The following FNIP2 variants were observed in gnomAD, a reference collection of about 807,000 sequenced individuals.
FNIP2 encodes folliculin interacting protein 2, also known as folliculin-interacting protein 2.
FNIP2 carries 32 observed loss-of-function variants against 108.7 expected under a neutral mutation model. The observed-to-expected ratio is 0.29, with a 90% confidence interval of 0.22 to 0.40. The LOEUF is 0.40. Among genes scored for constraint, FNIP2 ranks in the 10% least tolerant of loss-of-function variants. FNIP2 has a pLI of 1.00. For synonymous variants in FNIP2, 480 were observed against 496.7 expected (o/e 0.97, Z 0.45); for missense variants, 1,202 against 1,381.6 (o/e 0.87, Z 2.06).
chr4:158,794,214 G>A (rs1776509119), intron 1 of FNIP2, among the ~76,000 whole-genome samples: 1 of 152,110 alleles, frequency 6.6e-6, no homozygotes, highest in African/African-American at 2.4e-5. Context: ...GTGCAGTGGT[G>A]TGATCATGGC....
At chr4:158,795,714 T>G (rs924950417) in intron 1 of FNIP2, 1 of 152,264 alleles carries the variant, frequency 6.6e-6, no homozygotes, top group African/African-American at 2.4e-5. Flanking sequence ...TATTTACAGC[T>G]GATCCCCATC....
Position 158,869,047 on chromosome 4 carries a change from A to T in FNIP2, c.2411A>T (p.Asp804Val). 6.2e-7 allele frequency: 1 copy of T among 1,614,024 alleles called. No homozygotes were observed. The highest frequency in any genetic ancestry group is 8.5e-7 in the Non-Finnish European group (1 of 1,179,888). ...GFAEDRGSRN[D>V]MAADIAGQLS... ...GCAGAGGACAGAGGCAGCAGAAACG[A>T]CATGGCAGCAGATATTGCTGGGCAG... The change falls in exon 13 of 17, where the codon GAC (aspartate) becomes GTC (valine). Residue 804 changes from aspartate to valine, a missense_variant. Physicochemically the swap from Asp to Val is radical, Grantham distance 152. This residue lies in a region of FNIP2 where 878 missense variants were observed against 990.3 expected (regional missense o/e 0.89). Coordinates refer to ENST00000264433, the MANE Select transcript of FNIP2 (RefSeq NM_020840.3).
At chr4:158,900,159 G>A (rs944239168) in intron 16 of FNIP2, among the ~76,000 whole-genome samples, 5 of 152,336 alleles carry the variant, frequency 3.3e-5, no homozygotes, top group Middle Eastern at 3.4e-3. Context: ...GTGGTTTTGA[G>A]TGAGTTTCTT....
intron 1 of FNIP2, among the ~76,000 whole-genome samples, chr4:158,773,627 T>C (rs1449324868): frequency 2.6e-5 from 4 of 152,238 alleles, no homozygotes; most frequent in Non-Finnish European, 5.9e-5. Context: ...GTATTATTCC[T>C]GTTGAGGCTT....
chr4:158,902,437 G>T (rs1044449245), intron 16 of FNIP2, among the ~76,000 whole-genome samples: 1 of 152,220 alleles, frequency 6.6e-6, no homozygotes, highest in South Asian at 2.1e-4. Flanking sequence ...ACTGGGAGGT[G>T]TCTCCCAGTC....
intron 8 of FNIP2, among the ~76,000 whole-genome samples, chr4:158,858,350 T>G (rs141137756): frequency 1.3e-5 from 2 of 152,368 alleles, no homozygotes; most frequent in African/African-American, 4.8e-5. Context: ...CACTGGCTTT[T>G]CACAGTAGTT....
chr4:158,834,175 C>A (rs1778644770), intron 6 of FNIP2: 2 of 183,930 alleles, frequency 1.1e-5, no homozygotes, highest in Non-Finnish European at 1.1e-5. Context: ...TGGGCCTCTT[C>A]TGCTACTATG....
At chr4:158,852,401 T>C (rs1468148788) in intron 8 of FNIP2, among the ~76,000 whole-genome samples, 1 of 152,208 alleles carries the variant, frequency 6.6e-6, no homozygotes. Flanking sequence ...AAATTATAGC[T>C]TTGTCACCCA....
intron 5 of FNIP2, among the ~76,000 whole-genome samples, chr4:158,832,532 A>AT (rs1778542934): frequency 6.6e-6 from 1 of 152,210 alleles, no homozygotes; most frequent in Non-Finnish European, 1.5e-5. Context: ...CATATACTTC[A>AT]TTTTTTAAAT....
In FNIP2 at chr4:158,906,852, C is replaced by T. The variant is rs1325087846; in HGVS notation, c.*2308C>T. 6.6e-6 allele frequency: 1 copy of T among 152,112 alleles called. No individual in the cohort carries two copies. The highest frequency in any genetic ancestry group is 1.5e-5 in the Non-Finnish European group (1 of 68,026). 9.4% of individuals were successfully genotyped at this position (152,112 alleles called of 1,614,324 possible). A position where few individuals can be genotyped will look rare whatever the true frequency, so the allele number is the denominator to read the frequency against. ...ATTGTGTTGAGATCCACCGCTCACA[C>T]GCCGTACACCACCCAGTGGCTTCAT... On this transcript the variant is annotated 3_prime_UTR_variant, in exon 17 of 17. Coordinates refer to ENST00000264433, the MANE Select transcript of FNIP2 (RefSeq NM_020840.3).
At chr4:158,815,904 A>G (rs1052630831) in intron 1 of FNIP2, among the ~76,000 whole-genome samples, 1 of 152,126 alleles carries the variant, frequency 6.6e-6, no homozygotes, top group South Asian at 2.1e-4. Context: ...TTGCTGTGTC[A>G]GTATAGCACT....
At chr4:158,816,142 A>G (rs964401050) in intron 1 of FNIP2, among the ~76,000 whole-genome samples, 2 of 152,070 alleles carry the variant, frequency 1.3e-5, no homozygotes, top group Non-Finnish European at 2.9e-5. Context: ...ATAGGTGACA[A>G]TTGTCTATTT....
intron 1 of FNIP2, among the ~76,000 whole-genome samples, chr4:158,783,188 G>A (rs183230223): frequency 2.1e-4 from 32 of 152,286 alleles, no homozygotes; most frequent in Admixed American, 7.8e-4. Flanking sequence ...CTATTTAAGA[G>A]GAGAGTTCCT....
chr4:158,845,335 C>A (rs1162425397), intron 7 of FNIP2, among the ~76,000 whole-genome samples: 2 of 152,186 alleles, frequency 1.3e-5, no homozygotes, highest in African/African-American at 2.4e-5. Flanking sequence ...TGCAAAAGTT[C>A]TTTTCATTAT....
At chr4:158,823,301 T>C (rs1352648168) in intron 1 of FNIP2, among the ~76,000 whole-genome samples, 1 of 152,222 alleles carries the variant, frequency 6.6e-6, no homozygotes, top group Non-Finnish European at 1.5e-5. Context: ...AATCTCCCTC[T>C]GTCACCCAGG....
chr4:158,879,803 A>G (rs925005657), intron 14 of FNIP2, among the ~76,000 whole-genome samples: 7 of 150,518 alleles, frequency 4.7e-5, no homozygotes, highest in Non-Finnish European at 1.0e-4. Context: ...GACACTTCAC[A>G]AAAGAAGACA....
At chr4:158,886,556 G>A (rs943950456) in intron 14 of FNIP2, among the ~76,000 whole-genome samples, 5 of 152,210 alleles carry the variant, frequency 3.3e-5, no homozygotes, top group African/African-American at 4.8e-5. Flanking sequence ...GGAGGGTGGC[G>A]ATAGGGCAGT....
chr4:158,843,936 A>G (rs996637250), intron 7 of FNIP2, among the ~76,000 whole-genome samples: 2 of 152,174 alleles, frequency 1.3e-5, no homozygotes, highest in African/African-American at 2.4e-5. Context: ...TGCCCTGATC[A>G]TTTGCTGTAG....
At chr4:158,782,315 C>T (rs752734002) in intron 1 of FNIP2, among the ~76,000 whole-genome samples, 8 of 152,104 alleles carry the variant, frequency 5.3e-5, no homozygotes, top group African/African-American at 9.7e-5. Context: ...GTAAAACATA[C>T]GTGTATTCCC....
Sources: allele counts gnomAD v4.1 joint callset (sites outside exome capture counted in the v4.1 genomes callset), GRCh38; gene constraint gnomAD v4.1.1; regional missense constraint gnomAD v4.1.1; transcripts MANE v1.5; gene names NCBI Gene and HGNC (gene_info 2026-07-23, HGNC 2026-07-21).